The following PPP6R3 variants were observed in gnomAD, a reference collection of about 807,000 sequenced individuals.
PPP6R3 encodes the protein serine/threonine-protein phosphatase 6 regulatory subunit 3.
Under a neutral mutation model 110.7 loss-of-function variants are expected in PPP6R3, and 38 were observed. The observed-to-expected ratio is 0.34, with a 90% CI of 0.26 to 0.45. The LOEUF is 0.45. Ranked by LOEUF, PPP6R3 falls within the 20% of genes least tolerant of loss-of-function variation. The pLI is 1.00. For missense variants in PPP6R3, 870 were observed against 1,062.4 expected (o/e 0.82, Z 2.52); for synonymous variants, 369 against 373.5 (o/e 0.99, Z 0.14).
rs771405437 is a variant in PPP6R3, at chr11:68,491,694, T to A, written c.-157-27807T>A. 8.3e-4 allele frequency among the ~76,000 whole-genome samples: 126 copies of A among 151,980 alleles called. 3 individuals are homozygous for A. Among genetic ancestry groups the A allele is most frequent in the Admixed American group, 2.5e-3 (38 of 15,244 alleles). ...GTACCGTTCAGTGGCATTAAATACA[T>A]CCACATTGTTGATCAACCATCATCA... On this transcript the variant is annotated intron_variant, in intron 1 of 23. Transcript: ENST00000393800.
chr11:68,593,291 A>G (rs2099601257), intron 18 of PPP6R3, among the ~76,000 whole-genome samples: 1 of 152,072 alleles, frequency 6.6e-6, no homozygotes, highest in Non-Finnish European at 1.5e-5. Flanking sequence ...TTTTTTGTCT[A>G]GCTTCTTTCA....
At chr11:68,562,851 A>T (rs544305157) in intron 8 of PPP6R3, among the ~76,000 whole-genome samples, 2 of 152,330 alleles carry the variant, frequency 1.3e-5, no homozygotes, top group African/African-American at 4.8e-5. Flanking sequence ...GATTGTTTAG[A>T]TACATTGCCA....
intron 16 of PPP6R3, 38 bp downstream of exon 16, chr11:68,588,062 C>A: frequency 6.6e-7 from 1 of 1,523,638 alleles, no homozygotes; most frequent in Non-Finnish European, 9.1e-7. Flanking sequence ...TGCTCTTGCA[C>A]ACCCTTGCTC....
intron 1 of PPP6R3, among the ~76,000 whole-genome samples, chr11:68,478,647 G>GTTTTTTTTTTTTTT (rs769296530): frequency 0.014 from 697 of 50,512 alleles, 266 homozygotes; most frequent in African/African-American, 0.023. Context: ...CACTTGGTAA[G>GTTTTTTTTTTTTTT]TTTTTTTTTT....
intron 14 of PPP6R3, among the ~76,000 whole-genome samples, chr11:68,581,081 A>G (rs2099552643): frequency 6.6e-6 from 1 of 152,078 alleles, no homozygotes; most frequent in Admixed American, 6.6e-5. Flanking sequence ...TAGGTAGATC[A>G]TCTTTTTAGC....
At chr11:68,536,831 T>C (rs1280451653) in intron 2 of PPP6R3, among the ~76,000 whole-genome samples, 2 of 152,322 alleles carry the variant, frequency 1.3e-5, no homozygotes, top group South Asian at 2.1e-4. Flanking sequence ...GAAAGGTCTT[T>C]GAATGGTCTC....
chr11:68,580,553 A>G (rs545153568), intron 14 of PPP6R3, among the ~76,000 whole-genome samples: 2 of 152,086 alleles, frequency 1.3e-5, no homozygotes, highest in Admixed American at 6.5e-5. Flanking sequence ...TAGAGTGGAC[A>G]TGGTGGGTGG....
intron 23 of PPP6R3, among the ~76,000 whole-genome samples, chr11:68,610,362 C>CTTG (rs886389312): frequency 4.4e-4 from 67 of 152,154 alleles, no homozygotes; most frequent in African/African-American, 1.5e-3. Context: ...CCCTCCAGGA[C>CTTG]TTGAGTTCTC....
At chr11:68,604,254 A>G (rs1938134408) in intron 22 of PPP6R3, among the ~76,000 whole-genome samples, 1 of 152,256 alleles carries the variant, frequency 6.6e-6, no homozygotes. Flanking sequence ...TAAAGTCATG[A>G]CCAAGGATAT....
chr11:68,470,052 GTACT>G (rs2153233000), intron 1 of PPP6R3, among the ~76,000 whole-genome samples: 1 of 152,278 alleles, frequency 6.6e-6, no homozygotes, highest in African/African-American at 2.4e-5. Context: ...AGATGTTTGA[GTACT>G]TACCATGTCT....
At chr11:68,610,365 G>T (rs1942797359) in intron 23 of PPP6R3, among the ~76,000 whole-genome samples, 1 of 152,146 alleles carries the variant, frequency 6.6e-6, no homozygotes, top group African/African-American at 2.4e-5. Context: ...TCCAGGACTT[G>T]AGTTCTCATT....
chr11:68,496,884 CAG>C (rs1369810437), intron 1 of PPP6R3, among the ~76,000 whole-genome samples: 1 of 86,960 alleles, frequency 1.1e-5, no homozygotes, highest in South Asian at 4.5e-4. Context: ...TTTTTTGAGA[CAG>C]AGTCTTGCTC....
At chr11:68,517,489 AT>A (rs2099142807) in intron 1 of PPP6R3, among the ~76,000 whole-genome samples, 1 of 152,204 alleles carries the variant, frequency 6.6e-6, no homozygotes, top group Non-Finnish European at 1.5e-5. Context: ...GAAATGGCAG[AT>A]TTCAAAGCCG....
At chr11:68,486,679 T>G (rs547682421) in intron 1 of PPP6R3, among the ~76,000 whole-genome samples, 1 of 152,186 alleles carries the variant, frequency 6.6e-6, no homozygotes, top group Non-Finnish European at 1.5e-5. Flanking sequence ...GAATTGGTAT[T>G]ATTTTTTCCT....
At chr11:68,560,540 AG>A (rs2099415093) in intron 8 of PPP6R3, among the ~76,000 whole-genome samples, 1 of 152,232 alleles carries the variant, frequency 6.6e-6, no homozygotes, top group African/African-American at 2.4e-5. Flanking sequence ...GCCCCATATC[AG>A]TTGAAGAAAT....
intron 4 of PPP6R3, 101 bp from the exon 5 acceptor site, chr11:68,547,966 A>C: frequency 1.6e-6 from 2 of 1,222,386 alleles, no homozygotes; most frequent in South Asian, 3.3e-5. Flanking sequence ...CTCAACCTAA[A>C]GTAGTGGTAG....
rs938588369 is a variant in PPP6R3, at chr11:68,484,181, G to A, written c.-158+23354G>A. On this transcript the variant is annotated intron_variant, in intron 1 of 23. Coordinates refer to ENST00000393800, the MANE Select transcript of PPP6R3 (RefSeq NM_001164161.2). Reference sequence around the variant, plus strand: ...GTGGATAAAGATGCTGTAAATATCCGTGTGCAGGTTTTTGTGTGGACGTAA... The same window carrying A: ...GTGGATAAAGATGCTGTAAATATCCATGTGCAGGTTTTTGTGTGGACGTAA... Among the ~76,000 whole-genome samples, 8 of 152,170 alleles carry A rather than the reference G, an allele frequency of 5.3e-5. No individual in the cohort carries two copies. In the East Asian group the frequency reaches 5.8e-4, roughly 11 times the overall value.
intron 6 of PPP6R3, among the ~76,000 whole-genome samples, chr11:68,552,868 G>T (rs2099386364): frequency 6.6e-6 from 1 of 152,226 alleles, no homozygotes. Flanking sequence ...GTCCAATTCT[G>T]CAACAAGTTT....
chr11:68,612,967 A>G, intron 23 of PPP6R3, 99 bp from the exon 24 acceptor site: 1 of 1,575,150 alleles, frequency 6.3e-7, no homozygotes, highest in Non-Finnish European at 8.6e-7. Flanking sequence ...AAACAATGTT[A>G]AAATAAGTTG....
Sources: allele counts gnomAD v4.1 joint callset (sites outside exome capture counted in the v4.1 genomes callset), GRCh38; gene constraint gnomAD v4.1.1; transcripts MANE v1.5; gene names NCBI Gene and HGNC (gene_info 2026-07-23, HGNC 2026-07-21).